FHIT: variants seen among roughly 807,000 people sequenced by gnomAD.
The protein encoded by FHIT is bis(5'-adenosyl)-triphosphatase.
In FHIT, 19 loss-of-function variants were observed where a neutral mutation model predicts 17.9. The ratio of observed to expected loss-of-function variants is 1.06; its 90% CI spans 0.74 to 1.56. The LOEUF (loss-of-function observed/expected upper bound fraction) is 1.56, where lower values mean the gene tolerates loss of function less well. Among genes scored for constraint, FHIT ranks in the 40% most tolerant of loss-of-function variants. The pLI is 0.00. For missense variants in FHIT, 248 were observed against 189.2 expected (o/e 1.31, Z -1.82); for synonymous variants, 81 against 69.7 (o/e 1.16, Z -0.81).
chr3:60,959,843 T>C (rs1272386277), intron 3 of FHIT, among the ~76,000 whole-genome samples: 1 of 151,588 alleles, frequency 6.6e-6, no homozygotes. Context: ...TTGGTGTTTA[T>C]TTGGTGAGCC....
intron 5 of FHIT, among the ~76,000 whole-genome samples, chr3:60,316,947 T>C (rs1470778677): frequency 6.6e-6 from 1 of 152,118 alleles, no homozygotes; most frequent in Non-Finnish European, 1.5e-5. Flanking sequence ...TCGATTGAAA[T>C]AAAATCTCTG....
At chr3:59,851,414 C>CCATG (rs1701929736) in intron 8 of FHIT, among the ~76,000 whole-genome samples, 1 of 152,114 alleles carries the variant, frequency 6.6e-6, no homozygotes, top group African/African-American at 2.4e-5. Flanking sequence ...CTTACAACTC[C>CCATG]CATGCAAGGG....
At chr3:60,810,005 G>A (rs1701522130) in intron 4 of FHIT, among the ~76,000 whole-genome samples, 1 of 152,142 alleles carries the variant, frequency 6.6e-6, no homozygotes, top group Non-Finnish European at 1.5e-5. Context: ...TGTCAGAAAG[G>A]ATTAACCCAC....
chr3:60,806,874 A>G (rs1037217165), intron 4 of FHIT, among the ~76,000 whole-genome samples: 9 of 152,222 alleles, frequency 5.9e-5, no homozygotes, highest in African/African-American at 2.2e-4. Flanking sequence ...TCGTACCATC[A>G]AGGGGTGAGG....
At chr3:60,722,933 C>G (rs564995173) in intron 4 of FHIT, among the ~76,000 whole-genome samples, 175 of 152,148 alleles carry the variant, frequency 1.2e-3, no homozygotes, top group African/African-American at 4.1e-3. Flanking sequence ...CACATTGGCG[C>G]TGGTCTCGAA....
At chr3:60,478,072 G>A (rs1340803570) in intron 5 of FHIT, among the ~76,000 whole-genome samples, 1 of 152,166 alleles carries the variant, frequency 6.6e-6, no homozygotes, top group Non-Finnish European at 1.5e-5. Context: ...AACAATTAGA[G>A]CAACAATAAA....
intron 4 of FHIT, among the ~76,000 whole-genome samples, chr3:60,607,725 A>C (rs2038652408): frequency 6.6e-6 from 1 of 152,094 alleles, no homozygotes; most frequent in Admixed American, 6.6e-5. Flanking sequence ...ATTTTGTACT[A>C]ATTTCACTAA....
At chr3:60,933,934 A>G (rs1708076156) in intron 3 of FHIT, among the ~76,000 whole-genome samples, 2 of 152,260 alleles carry the variant, frequency 1.3e-5, no homozygotes, top group South Asian at 2.1e-4. Context: ...CCCGGAATCT[A>G]TCAGGCCTCA....
intron 1 of FHIT, among the ~76,000 whole-genome samples, chr3:61,239,633 C>T (rs1488430919): frequency 6.6e-6 from 1 of 151,770 alleles, no homozygotes; most frequent in Non-Finnish European, 1.5e-5. Flanking sequence ...GTCCCCTTCA[C>T]TAGACTCCAT....
At chr3:60,935,068 T>C (rs1046659752) in intron 3 of FHIT, among the ~76,000 whole-genome samples, 2 of 152,060 alleles carry the variant, frequency 1.3e-5, no homozygotes, top group African/African-American at 2.4e-5. Flanking sequence ...GTGAGATGCA[T>C]TGAGAGACAG....
intron 5 of FHIT, among the ~76,000 whole-genome samples, chr3:60,030,094 T>C (rs1023559894): frequency 6.6e-6 from 1 of 152,142 alleles, no homozygotes; most frequent in Admixed American, 6.6e-5. Context: ...TTTTATATTA[T>C]CAAACCTCCT....
At chr3:60,621,778 A>G (rs2039137601) in intron 4 of FHIT, among the ~76,000 whole-genome samples, 1 of 151,744 alleles carries the variant, frequency 6.6e-6, no homozygotes, top group African/African-American at 2.4e-5. Flanking sequence ...GAGGCTGAGG[A>G]GGGAAGATCG....
chr3:60,089,062 G>A (rs1286630943), intron 5 of FHIT, among the ~76,000 whole-genome samples: 1 of 152,196 alleles, frequency 6.6e-6, no homozygotes, highest in African/African-American at 2.4e-5. Flanking sequence ...GGCAAGGGCA[G>A]AAATCATCAT....
intron 3 of FHIT, among the ~76,000 whole-genome samples, chr3:60,912,531 C>G (rs773836454): frequency 4.6e-5 from 7 of 152,176 alleles, no homozygotes; most frequent in Admixed American, 1.3e-4. Flanking sequence ...GAGCTGAAGG[C>G]AGTTGAGAAG....
In FHIT at chr3:60,472,413, G is replaced by T. The variant is rs563968343; in HGVS notation, c.103+64447C>A. ...AGACGAAGTCTTGCTTTGTTGCCCA[G>T]GCTGGAGTGCAGTGGCGTGATCTCG... On this transcript the variant is annotated intron_variant, in intron 5 of 9. Coordinates refer to ENST00000492590, the MANE Select transcript of FHIT (RefSeq NM_002012.4). 2.8e-5 allele frequency among the ~76,000 whole-genome samples: 4 copies of T among 145,370 alleles called. No homozygotes were observed. In the South Asian group the frequency reaches 8.7e-4, roughly 32 times the overall value.
chr3:60,287,648 G>T (rs917037370), intron 5 of FHIT, among the ~76,000 whole-genome samples: 5 of 152,140 alleles, frequency 3.3e-5, no homozygotes, highest in African/African-American at 9.7e-5. Flanking sequence ...GATCAAGTGT[G>T]GAAAGAGAAG....
intron 5 of FHIT, among the ~76,000 whole-genome samples, chr3:60,276,525 T>G (rs1370265080): frequency 6.6e-6 from 1 of 152,168 alleles, no homozygotes; most frequent in Non-Finnish European, 1.5e-5. Context: ...TGGAGATGCC[T>G]CAATAGTGTT....
intron 4 of FHIT, among the ~76,000 whole-genome samples, chr3:60,768,501 G>C (rs782585541): frequency 2.0e-4 from 30 of 152,144 alleles, no homozygotes; most frequent in Non-Finnish European, 3.5e-4. Flanking sequence ...GGTTTGCATG[G>C]GCTGACCAAT....
intron 4 of FHIT, among the ~76,000 whole-genome samples, chr3:60,695,781 C>T (rs1442065007): frequency 2.0e-5 from 3 of 152,140 alleles, no homozygotes; most frequent in Non-Finnish European, 2.9e-5. Flanking sequence ...TCTTGAGCAA[C>T]GTATTTAACT....
Sources: gnomAD v4.1 joint callset for allele counts (sites outside exome capture counted in the v4.1 genomes callset) on GRCh38, gnomAD v4.1.1 for gene constraint, MANE v1.5 for transcripts, NCBI Gene and HGNC (gene_info 2026-07-23, HGNC 2026-07-21) for gene names.